ADAMTSL1: variants seen among roughly 807,000 people sequenced by gnomAD.
ADAMTSL1 encodes ADAMTS like 1, also known as ADAMTS-like protein 1.
A neutral mutation model predicts 201.8 loss-of-function variants in ADAMTSL1; 126 were observed. The observed-to-expected ratio is 0.62, with a 90% CI of 0.54 to 0.72. The LOEUF (loss-of-function observed/expected upper bound fraction) is 0.72, where lower values mean the gene tolerates loss of function less well. ADAMTSL1 is among the 30% of genes least tolerant of loss of function. The pLI is 0.00. For synonymous variants in ADAMTSL1, 1,121 were observed against 903.4 expected (o/e 1.24, Z -4.32); for missense variants, 2,679 against 2,277.8 (o/e 1.18, Z -3.59).
intron 2 of ADAMTSL1, among the ~76,000 whole-genome samples, chr9:18,249,195 G>T: frequency 6.6e-6 from 1 of 152,166 alleles, no homozygotes; most frequent in East Asian, 1.9e-4. Flanking sequence ...ATAGCAAGTT[G>T]TCAGTAAAAA....
intron 5 of ADAMTSL1, among the ~76,000 whole-genome samples, chr9:18,623,015 C>T (rs1313634018): frequency 6.6e-6 from 1 of 152,162 alleles, no homozygotes; most frequent in Non-Finnish European, 1.5e-5. Flanking sequence ...CTTGCCTCAA[C>T]CTTGCAAGTA....
intron 2 of ADAMTSL1, among the ~76,000 whole-genome samples, chr9:18,364,143 G>A (rs1172882429): frequency 3.3e-5 from 5 of 152,064 alleles, no homozygotes; most frequent in East Asian, 1.9e-4. Flanking sequence ...TTATATTACC[G>A]GGACAAGAGA....
intron 9 of ADAMTSL1, among the ~76,000 whole-genome samples, chr9:18,662,655 C>T (rs1052336694): frequency 1.3e-5 from 2 of 152,156 alleles, no homozygotes; most frequent in Non-Finnish European, 2.9e-5. Context: ...AAAGTAGAAG[C>T]TTTAAACAGG....
intron 13 of ADAMTSL1, among the ~76,000 whole-genome samples, chr9:18,703,609 C>T (rs947971876): frequency 1.3e-5 from 2 of 149,494 alleles, no homozygotes; most frequent in African/African-American, 2.5e-5. Context: ...ATAAAACTCT[C>T]ATTTGGGAGA....
chr9:18,884,376 A>G (rs895112242), intron 23 of ADAMTSL1, among the ~76,000 whole-genome samples: 1 of 151,896 alleles, frequency 6.6e-6, no homozygotes, highest in East Asian at 1.9e-4. Flanking sequence ...TTGCTTTTTC[A>G]CTCACTTGAT....
intron 1 of ADAMTSL1, among the ~76,000 whole-genome samples, chr9:18,056,155 G>C (rs1165623978): frequency 8.1e-6 from 1 of 124,202 alleles, no homozygotes; most frequent in Non-Finnish European, 1.8e-5. Flanking sequence ...TTCAGCAAAA[G>C]CTTTTTTTTT....
At chr9:18,875,840 G>A (rs1828112061) in intron 23 of ADAMTSL1, among the ~76,000 whole-genome samples, 1 of 152,110 alleles carries the variant, frequency 6.6e-6, no homozygotes, top group Non-Finnish European at 1.5e-5. Context: ...GCTTTCAGTG[G>A]ATTATTGAAG....
At chr9:18,902,229 G>A (rs1830053424) in intron 26 of ADAMTSL1, among the ~76,000 whole-genome samples, 1 of 152,148 alleles carries the variant, frequency 6.6e-6, no homozygotes, top group Non-Finnish European at 1.5e-5. Flanking sequence ...TAAAGAAACA[G>A]AGCAACTGAA....
intron 16 of ADAMTSL1, among the ~76,000 whole-genome samples, chr9:18,764,510 G>C (rs1820252111): frequency 6.6e-6 from 1 of 152,092 alleles, no homozygotes; most frequent in Non-Finnish European, 1.5e-5. Context: ...TACTGCTCTA[G>C]CCAGGACAAG....
chr9:18,380,931 T>C (rs907104844), intron 2 of ADAMTSL1, among the ~76,000 whole-genome samples: 6 of 152,198 alleles, frequency 3.9e-5, no homozygotes, highest in African/African-American at 1.4e-4. Flanking sequence ...CTGAAGGAGC[T>C]ACAGACATCC....
At chr9:18,537,840 C>G (rs1487095087) in intron 3 of ADAMTSL1, among the ~76,000 whole-genome samples, 1 of 141,828 alleles carries the variant, frequency 7.1e-6, no homozygotes, top group East Asian at 2.1e-4. Context: ...CACCACTGCA[C>G]TCAAGACTGG....
intron 1 of ADAMTSL1, among the ~76,000 whole-genome samples, chr9:18,009,982 A>G (rs1374852111): frequency 6.6e-6 from 1 of 152,062 alleles, no homozygotes; most frequent in Admixed American, 6.6e-5. Context: ...GAACTTCAGA[A>G]GAAACTTCGA....
intron 1 of ADAMTSL1, among the ~76,000 whole-genome samples, chr9:18,129,188 G>C (rs1364160735): frequency 2.0e-5 from 3 of 152,128 alleles, no homozygotes; most frequent in Non-Finnish European, 2.9e-5. Flanking sequence ...ATATATCTTT[G>C]CCTCTGAACA....
chr9:18,359,884 C>G (rs984876744), intron 2 of ADAMTSL1, among the ~76,000 whole-genome samples: 1 of 128,538 alleles, frequency 7.8e-6, no homozygotes, highest in African/African-American at 2.9e-5. Flanking sequence ...ACCTTGGACT[C>G]AAGTCTTGTT....
At chr9:18,088,779 G>T (rs975232274) in intron 1 of ADAMTSL1, among the ~76,000 whole-genome samples, 6 of 152,188 alleles carry the variant, frequency 3.9e-5, no homozygotes, top group Non-Finnish European at 8.8e-5. Context: ...TTAGTACAAT[G>T]TTGACAGGAA....
chr9:18,144,195 CT>C (rs1826524378), intron 1 of ADAMTSL1, among the ~76,000 whole-genome samples: 1 of 208 alleles, frequency 4.8e-3, no homozygotes, highest in Admixed American at 0.083. Flanking sequence ...ACATCTTTTT[CT>C]TTCTTTCTTT....
At chr9:18,595,690 G>T (rs148010007) in intron 4 of ADAMTSL1, among the ~76,000 whole-genome samples, 3 of 152,352 alleles carry the variant, frequency 2.0e-5, no homozygotes, top group Non-Finnish European at 2.9e-5. Flanking sequence ...CACTGCCAAG[G>T]CCAATGTCAG....
intron 2 of ADAMTSL1, among the ~76,000 whole-genome samples, chr9:18,528,552 G>T (rs1350701452): frequency 6.6e-6 from 1 of 152,018 alleles, no homozygotes; most frequent in Non-Finnish European, 1.5e-5. Context: ...CTTTTTTATG[G>T]CTGCATAGTA....
chr9:18,760,123 T>C (rs78907709), intron 16 of ADAMTSL1, among the ~76,000 whole-genome samples: 2 of 152,192 alleles, frequency 1.3e-5, no homozygotes, highest in Admixed American at 1.3e-4. Context: ...TCTTTCATCA[T>C]TGATCATTAT....
Sources: allele counts gnomAD v4.1 joint callset (sites outside exome capture counted in the v4.1 genomes callset), GRCh38; gene constraint gnomAD v4.1.1; transcripts MANE v1.5; gene names NCBI Gene and HGNC (gene_info 2026-07-23, HGNC 2026-07-21).